KDM1A: variants seen among roughly 807,000 people sequenced by gnomAD.
The protein encoded by KDM1A is lysine demethylase 1A, also known as lysine-specific histone demethylase 1A.
Under a neutral mutation model 109.4 loss-of-function variants are expected in KDM1A, and 49 were observed. That is an observed-to-expected ratio of 0.45 (90% CI 0.36 to 0.57). The LOEUF is 0.57. KDM1A is among the 20% of genes least tolerant of loss of function. The pLI, the probability that KDM1A is intolerant of heterozygous loss-of-function variation, is 0.00. For missense variants in KDM1A, 668 were observed against 1,116.6 expected (o/e 0.60, Z 5.73); for synonymous variants, 380 against 415.4 (o/e 0.91, Z 1.04).
chr1:23,053,767 T>C lies in KDM1A; in HGVS notation c.718T>C (p.Leu240=). ...FLFIRNRTLQ[L]WLDNPKIQLT... is the part of the protein sequence containing the mutation. Reference sequence around the variant, plus strand: ...TTATGTCATTTAAATGCAGCTGCAGTTGTGGTTGGATAATCCAAAGATTCA... The same window carrying C: ...TTATGTCATTTAAATGCAGCTGCAGCTGTGGTTGGATAATCCAAAGATTCA... The change falls in exon 5 of 21, where the codon TTG becomes CTG. Residue 240 remains leucine, a synonymous_variant. Transcript: ENST00000400181. 1 of 1,601,524 alleles carries C rather than the reference T, an allele frequency of 6.2e-7. No homozygotes were observed. Among genetic ancestry groups the C allele is most frequent in the Non-Finnish European group, 8.6e-7 (1 of 1,168,876 alleles).
At chr1:23,076,891 G>A (rs1643480276) in intron 15 of KDM1A, among the ~76,000 whole-genome samples, 1 of 151,766 alleles carries the variant, frequency 6.6e-6, no homozygotes, top group African/African-American at 2.4e-5. Flanking sequence ...CTTGAACCCA[G>A]GAGTCCGAGG....
chr1:23,055,086 C>T lies in KDM1A; in HGVS notation c.808C>T (p.His270Tyr). 2 of 1,609,324 alleles carry T rather than the reference C, an allele frequency of 1.2e-6. No homozygotes were observed. Among genetic ancestry groups the T allele is most frequent in the Non-Finnish European group, 1.7e-6 (2 of 1,177,512 alleles). ...APYNSDTVLVHRVHSYLERHG... is the reference protein window; with the variant it reads ...APYNSDTVLVYRVHSYLERHG... ...TTCTGTAGGTGATACTGTGCTTGTCCACCGAGTTCACAGTTATTTAGAGCG... is the reference window on the plus strand; with the variant it reads ...TTCTGTAGGTGATACTGTGCTTGTCTACCGAGTTCACAGTTATTTAGAGCG... The change falls in exon 6 of 21, where the codon CAC (histidine) becomes TAC (tyrosine). Residue 270 changes from histidine to tyrosine, a missense_variant. Physicochemically the swap from His to Tyr is moderately conservative, Grantham distance 83. Around this residue, in one of 8 missense-constraint regions of KDM1A, gnomAD observed 149 missense variants for 189.7 expected, o/e 0.79. Transcript: ENST00000400181.
chr1:23,022,332 T>A (rs1028777892), intron 1 of KDM1A, among the ~76,000 whole-genome samples: 1 of 88,568 alleles, frequency 1.1e-5, no homozygotes, highest in African/African-American at 3.8e-5. Flanking sequence ...TCGTTTTTTT[T>A]TTTTTGTTGT....
At chr1:23,035,932 T>G (rs1316070251) in intron 2 of KDM1A, among the ~76,000 whole-genome samples, 1 of 152,140 alleles carries the variant, frequency 6.6e-6, no homozygotes. Context: ...TACTAATATT[T>G]TCACCTTATA....
At chr1:23,048,418 A>AT (rs1265379730) in intron 3 of KDM1A, among the ~76,000 whole-genome samples, 2 of 151,712 alleles carry the variant, frequency 1.3e-5, no homozygotes, top group African/African-American at 2.4e-5. Flanking sequence ...GGCTTTTACT[A>AT]TTTTTTTATT....
chr1:23,025,872 G>A (rs1055973981), intron 1 of KDM1A, among the ~76,000 whole-genome samples: 4 of 152,010 alleles, frequency 2.6e-5, no homozygotes, highest in African/African-American at 4.8e-5. Context: ...TGGACAGATC[G>A]ATTGAGCCCA....
chr1:23,044,552 A>G (rs1642447552), intron 3 of KDM1A, 66 bp downstream of exon 3: 1 of 1,413,966 alleles, frequency 7.1e-7, no homozygotes, highest in African/African-American at 1.4e-5. Flanking sequence ...TGATGCTTGC[A>G]AGTGTTTTTG....
rs755231433 is a variant in KDM1A, at chr1:23,082,265, C to T, written c.2344C>T (p.Arg782Trp). 1 of 1,613,706 alleles carries T rather than the reference C, an allele frequency of 6.2e-7. No individual in the cohort carries two copies. Residue 782 changes from arginine to tryptophan, a missense_variant, in exon 20 of 21, where the codon CGG becomes TGG. Physicochemically the swap from Arg to Trp is moderately radical, Grantham distance 101. Transcript: ENST00000400181. ...VSRWRADPWA[R>W]GSYSYVAAGS... ...TCGTTGGCGTGCTGATCCCTGGGCT[C>T]GGGGCTCTTATTCCTATGTTGCTGC... is the stretch of plus-strand genomic sequence containing the variant.
In KDM1A at chr1:23,019,610, A is replaced by G. The variant is rs980731872; in HGVS notation, c.14A>G (p.Lys5Arg). 16 of 1,426,906 alleles carry G rather than the reference A, an allele frequency of 1.1e-5. No homozygotes were observed. Among genetic ancestry groups the G allele is most frequent in the Non-Finnish European group, 1.4e-5 (15 of 1,100,114 alleles). The allele number at this position is 1,426,906 out of a possible 1,614,324, so 88.4% of individuals were successfully genotyped here. A position where few individuals can be genotyped will look rare whatever the true frequency, so the allele number is the denominator to read the frequency against. The change falls in exon 1 of 21, where the codon AAG (lysine) becomes AGG (arginine). Residue 5 changes from lysine to arginine, a missense_variant. This residue lies in a region of KDM1A where 156 missense variants were observed against 163.4 expected (regional missense o/e 0.95). Transcript: ENST00000400181. ...CGGCGGCCCGAGATGTTATCTGGGAAGAAGGCGGCAGCCGCGGCGGCGGCG... is the reference window on the plus strand; with the variant it reads ...CGGCGGCCCGAGATGTTATCTGGGAGGAAGGCGGCAGCCGCGGCGGCGGCG... MLSG[K>R]KAAAAAAAAA...
rs528540785 is a variant in KDM1A at position 23,022,641 on chromosome 1, T to C, written c.351+2694T>C. ...AGGCATGAGCCACTGCGCCTGGCCTTCTTCTTCTTTTTTTTTTTTTTTTTT... is the reference window on the plus strand; with the variant it reads ...AGGCATGAGCCACTGCGCCTGGCCTCCTTCTTCTTTTTTTTTTTTTTTTTT... On this transcript the variant is annotated intron_variant, in intron 1 of 20. Transcript: ENST00000400181. Among the ~76,000 whole-genome samples the C allele has an allele frequency of 4.1e-4, 53 of 128,088 alleles. No homozygotes were observed. The East Asian group carries it at 9.9e-3, about 24-fold the overall frequency. 84.0% of individuals were successfully genotyped at this position (128,088 alleles called of 152,430 possible). A position where few individuals can be genotyped will look rare whatever the true frequency, so the allele number is the denominator to read the frequency against.
intron 1 of KDM1A, chr1:23,020,159 C>A: frequency 2.2e-6 from 1 of 459,504 alleles, no homozygotes; most frequent in Non-Finnish European, 3.7e-6. Flanking sequence ...TGTGCTGGGT[C>A]CCGAGCGACG....
intron 2 of KDM1A, among the ~76,000 whole-genome samples, chr1:23,041,164 C>G (rs759457304): frequency 6.6e-6 from 1 of 152,044 alleles, no homozygotes; most frequent in African/African-American, 2.4e-5. Context: ...AAGAATTGGT[C>G]TATAATATAC....
At chr1:23,081,269 C>G (rs1569830845) in intron 18 of KDM1A, 177 bp from the exon 19 acceptor site, 1 of 659,406 alleles carries the variant, frequency 1.5e-6, no homozygotes, top group Non-Finnish European at 2.4e-6. Flanking sequence ...TGGTGTCTGG[C>G]GACAAAGAGT....
chr1:23,033,297 G>A (rs7555529), intron 2 of KDM1A, among the ~76,000 whole-genome samples: 45,955 of 152,008 alleles, frequency 0.3, 7,040 homozygotes, highest in Middle Eastern at 0.41. Context: ...TGAGGCAAGC[G>A]GATCACCTGA....
At chr1:23,056,964 T>C (rs940224978) in intron 7 of KDM1A, among the ~76,000 whole-genome samples, 2 of 152,120 alleles carry the variant, frequency 1.3e-5, no homozygotes, top group African/African-American at 4.8e-5. Flanking sequence ...CTATGTTCAG[T>C]ATGGACTCTC....
At chr1:23,082,486 C>A in intron 20 of KDM1A, 120 bp downstream of exon 20, 1 of 988,170 alleles carries the variant, frequency 1.0e-6, no homozygotes, top group Non-Finnish European at 1.4e-6. Flanking sequence ...TTTCAGATAA[C>A]CAAGAGCAGA....
chr1:23,039,851 G>C (rs1348023754), intron 2 of KDM1A, among the ~76,000 whole-genome samples: 2 of 152,130 alleles, frequency 1.3e-5, no homozygotes, highest in African/African-American at 4.8e-5. Context: ...TTCTCAACTA[G>C]ATTATAAGCT....
intron 3 of KDM1A, among the ~76,000 whole-genome samples, chr1:23,045,168 G>A (rs1018752876): frequency 3.3e-5 from 5 of 152,272 alleles, no homozygotes; most frequent in Middle Eastern, 3.4e-3. Context: ...CCAAAATAAC[G>A]TATCTGGATT....
chr1:23,025,824 G>A (rs2124348675), intron 1 of KDM1A, among the ~76,000 whole-genome samples: 2 of 152,058 alleles, frequency 1.3e-5, no homozygotes, highest in South Asian at 4.2e-4. Context: ...AGACATGGTG[G>A]TTCATGCCCG....
Sources: gnomAD v4.1 joint callset for allele counts (sites outside exome capture counted in the v4.1 genomes callset) on GRCh38, gnomAD v4.1.1 for gene constraint, gnomAD v4.1.1 regional missense constraint, MANE v1.5 for transcripts, NCBI Gene and HGNC (gene_info 2026-07-23, HGNC 2026-07-21) for gene names.